Variants in CFAP20DC observed in about 807,000 individuals in gnomAD.
The protein encoded by CFAP20DC is CFAP20 domain containing.
CFAP20DC carries 84 observed loss-of-function variants against 101.7 expected under a neutral mutation model. The observed-to-expected ratio is 0.83, with a 90% confidence interval of 0.69 to 0.99. The LOEUF (loss-of-function observed/expected upper bound fraction) is 0.99. Ranked by LOEUF, CFAP20DC falls within the 50% of genes least tolerant of loss-of-function variation. CFAP20DC has a pLI of 0.00. For synonymous variants in CFAP20DC, 359 were observed against 351.2 expected, an observed-to-expected ratio of 1.02 and a Z score of -0.25; for missense variants, 1,007 against 970.3, an observed-to-expected ratio of 1.04 and a Z score of -0.50.
intron 15 of CFAP20DC, among the ~76,000 whole-genome samples, chr3:58,784,139 T>C (rs1017645876): frequency 2.6e-5 from 4 of 151,938 alleles, no homozygotes; most frequent in Non-Finnish European, 5.9e-5. Flanking sequence ...TCCATGGGTA[T>C]CCAGTGTTTA....
intron 3 of CFAP20DC, chr3:58,726,218 A>G (rs1185702354): frequency 2.0e-5 from 3 of 152,242 alleles, no homozygotes; most frequent in African/African-American, 7.2e-5. Context: ...CAGAGAAAGA[A>G]CTATATAGGG....
At chr3:58,950,995 T>C (rs561115486) in intron 4 of CFAP20DC, among the ~76,000 whole-genome samples, 1 of 152,120 alleles carries the variant, frequency 6.6e-6, no homozygotes, top group African/African-American at 2.4e-5. Context: ...GGGAGAAAAT[T>C]TTTGCAATCT....
chr3:58,828,854 A>T (rs2076213168), intron 14 of CFAP20DC, among the ~76,000 whole-genome samples: 1 of 152,120 alleles, frequency 6.6e-6, no homozygotes, highest in African/African-American at 2.4e-5. Context: ...GGGAAAAAAG[A>T]AAAAAGGAAA....
chr3:58,912,902 A>G lies in CFAP20DC; in HGVS notation c.550+806T>C. Among the ~76,000 whole-genome samples, 1 of 152,166 alleles carries G rather than the reference A, an allele frequency of 6.6e-6. No homozygotes were observed. The highest frequency in any genetic ancestry group is 1.9e-4 in the East Asian group (1 of 5,200). On this transcript the variant is annotated intron_variant, in intron 6 of 16. Transcript: ENST00000482387. The surrounding 1 kb of genome is among the most constrained non-coding windows in gnomAD (Gnocchi z 4.4). ...TGACTTCCTGAAATGTACACAGAGTAATAAGACAGCATAATGGACAGAGAT... is the reference window on the plus strand; with the variant it reads ...TGACTTCCTGAAATGTACACAGAGTGATAAGACAGCATAATGGACAGAGAT...
chr3:58,882,454 G>T lies in CFAP20DC; in HGVS notation c.715+2091C>A, dbSNP rs73838002. On this transcript the variant is annotated intron_variant, in intron 7 of 16. Coordinates refer to ENST00000482387, the MANE Select transcript of CFAP20DC (RefSeq NM_001394063.1). This position sits in a 1 kb window ranked among gnomAD's most constrained non-coding sequence, Gnocchi z 4.2. ...TTAATTCTTAAAACATTAAGCTAGA[G>T]AATAAAAGCATTTACAATGGCAAAC... Among the ~76,000 whole-genome samples, 3,035 of 152,100 alleles carry T rather than the reference G, an allele frequency of 0.02. 81 individuals carry two copies. The highest frequency in any genetic ancestry group is 0.068 in the African/African-American group (2,831 of 41,478).
intron 4 of CFAP20DC, among the ~76,000 whole-genome samples, chr3:59,034,865 C>T (rs575825224): frequency 5.9e-5 from 9 of 152,302 alleles, no homozygotes; most frequent in South Asian, 4.1e-4. Context: ...CTACAGAACT[C>T]GCCACCCCAA....
At position 58,971,864 on chromosome 3, in the gene CFAP20DC, TACACACACACAC is replaced by T. The variant is rs34030341; in HGVS notation, c.279-34114_279-34103del. Among the ~76,000 whole-genome samples the T allele has an allele frequency of 7.0e-6, 1 of 142,380 alleles. No homozygotes were observed. Among genetic ancestry groups the T allele is most frequent in the Non-Finnish European group, 1.6e-5 (1 of 64,158 alleles). The allele number at this position is 142,380 out of a possible 152,430, so 93.4% of individuals were successfully genotyped here. On this transcript the variant is annotated intron_variant, in intron 4 of 16. Coordinates refer to ENST00000482387, the MANE Select transcript of CFAP20DC (RefSeq NM_001394063.1). The surrounding 1 kb of genome is among the most constrained non-coding windows in gnomAD (Gnocchi z 4.1). ...CTGTAATATCATACACACGCACACATACACACACACACACACACACACACACACAATTAAGCT... is the reference window on the plus strand; with the variant it reads ...CTGTAATATCATACACACGCACACATACACACACACACACACAATTAAGCT...
intron 15 of CFAP20DC, among the ~76,000 whole-genome samples, chr3:58,789,739 G>C (rs549294366): frequency 6.6e-6 from 1 of 152,116 alleles, no homozygotes; most frequent in Non-Finnish European, 1.5e-5. Flanking sequence ...ATGGTAAAAT[G>C]CTATTTTAAA....
At chr3:58,823,039 C>T (rs965374660) in intron 14 of CFAP20DC, among the ~76,000 whole-genome samples, 1 of 152,082 alleles carries the variant, frequency 6.6e-6, no homozygotes, top group African/African-American at 2.4e-5. Context: ...CTCCTTTGCC[C>T]AATCATATTT....
chr3:58,949,905 T>C (rs2089892414), intron 4 of CFAP20DC, among the ~76,000 whole-genome samples: 2 of 152,330 alleles, frequency 1.3e-5, no homozygotes, highest in African/African-American at 4.8e-5. Context: ...AACATAGTGT[T>C]GGAAGTTCTG....
rs560435063 is a variant in CFAP20DC at position 58,893,415 on chromosome 3, T to A, written c.551-8706A>T. On this transcript the variant is annotated intron_variant, in intron 6 of 16. Coordinates refer to ENST00000482387, the MANE Select transcript of CFAP20DC (RefSeq NM_001394063.1). ...ATAATCATGTGGTTTTTGTCTTTGGTTCTGTGTATGTGATGAATGACATTT... is the reference window on the plus strand; with the variant it reads ...ATAATCATGTGGTTTTTGTCTTTGGATCTGTGTATGTGATGAATGACATTT... 8.5e-5 allele frequency among the ~76,000 whole-genome samples: 13 copies of A among 152,316 alleles called. No homozygotes were observed. In the South Asian group the frequency reaches 2.3e-3, roughly 27 times the overall value.
intron 3 of CFAP20DC, among the ~76,000 whole-genome samples, chr3:58,725,611 C>T (rs2067538253): frequency 6.6e-6 from 1 of 152,176 alleles, no homozygotes; most frequent in South Asian, 2.1e-4. Context: ...CGACAGTTCC[C>T]CAAAGCAGTG....
intron 13 of CFAP20DC, among the ~76,000 whole-genome samples, chr3:58,843,565 T>C (rs1377298542): frequency 1.3e-5 from 2 of 151,872 alleles, no homozygotes; most frequent in Non-Finnish European, 2.9e-5. Flanking sequence ...ATGGGGAGAA[T>C]GGAACCAAGT....
At chr3:58,757,119 T>C (rs2107303471) in intron 15 of CFAP20DC, among the ~76,000 whole-genome samples, 1 of 152,228 alleles carries the variant, frequency 6.6e-6, no homozygotes, top group Admixed American at 6.6e-5. Context: ...TGTATACTTG[T>C]CTTTGTTAGA....
intron 3 of CFAP20DC, among the ~76,000 whole-genome samples, chr3:59,039,991 C>A (rs2094169453): frequency 6.6e-6 from 1 of 151,764 alleles, no homozygotes; most frequent in Non-Finnish European, 1.5e-5. Flanking sequence ...TCAAGGCAGC[C>A]ATAAAAGCAT....
rs971893507 is a variant in CFAP20DC at position 58,869,427 on chromosome 3, C to T, written c.916G>A (p.Val306Ile). The change falls in exon 9 of 17, where the codon GTT becomes ATT. Residue 306 changes from valine (V) to isoleucine (I), a missense_variant. Physicochemically the swap from Val to Ile is conservative, Grantham distance 29. Transcript: ENST00000482387. This position sits in a 1 kb window ranked among gnomAD's most constrained non-coding sequence, Gnocchi z 4.3. ...SCQPSTVEKC[V>I]NGTEMSALLI... Reference sequence around the variant, plus strand: ...AAGGCTGACATTTCTGTACCATTAACACACTTCTCTACAGTGGACGGCTGG... The same window carrying T: ...AAGGCTGACATTTCTGTACCATTAATACACTTCTCTACAGTGGACGGCTGG... 6.2e-7 allele frequency: 1 copy of T among 1,613,914 alleles called. No individual in the cohort carries two copies. Among genetic ancestry groups the T allele is most frequent in the Non-Finnish European group, 8.5e-7 (1 of 1,179,864 alleles).
Position 58,856,265 on chromosome 3 carries a change from GACACACACACACACACAC to G in CFAP20DC, c.1594-6874_1594-6857del, listed in dbSNP as rs536277954. Among the ~76,000 whole-genome samples, 217 of 124,134 alleles carry G rather than the reference GACACACACACACACACAC, an allele frequency of 1.7e-3. 2 individuals are homozygous for G. The highest frequency in any genetic ancestry group is 6.4e-3 in the African/African-American group (213 of 33,476). 81.4% of individuals were successfully genotyped at this position (124,134 alleles called of 152,430 possible). On this transcript the variant is annotated intron_variant, in intron 12 of 16. Coordinates refer to ENST00000482387, the MANE Select transcript of CFAP20DC (RefSeq NM_001394063.1). ...TTTGTCTACACTAGCTTCATCTTCTGACACACACACACACACACACACACACACACACACACACACACA... is the reference window on the plus strand; with the variant it reads ...TTTGTCTACACTAGCTTCATCTTCTGACACACACACACACACACACACACA...
chr3:59,047,094 C>T lies in CFAP20DC; in HGVS notation c.111+71G>A, dbSNP rs769028257. ...GAAAAACAGCTCTGAAATTTGATCA[C>T]GCCCTTTCTTCTATAAGCTTCACTC... On this transcript the variant is annotated intron_variant, in intron 2 of 16. Coordinates refer to ENST00000482387, the MANE Select transcript of CFAP20DC (RefSeq NM_001394063.1). 38 of 989,668 alleles carry T rather than the reference C, an allele frequency of 3.8e-5. No homozygotes were observed. The Admixed American group carries it at 7.5e-4, about 20-fold the overall frequency. 61.3% of individuals were successfully genotyped at this position (989,668 alleles called of 1,614,324 possible). A position where few individuals can be genotyped will look rare whatever the true frequency, so the allele number is the denominator to read the frequency against.
chr3:59,037,086 T>C (rs1219843518), intron 4 of CFAP20DC, among the ~76,000 whole-genome samples: 1 of 152,042 alleles, frequency 6.6e-6, no homozygotes, highest in Non-Finnish European at 1.5e-5. Context: ...AAATGCAGAA[T>C]ACTGAAACTG....
Sources: gnomAD v4.1 joint callset for allele counts (sites outside exome capture counted in the v4.1 genomes callset) on GRCh38, gnomAD v4.1.1 for gene constraint, Gnocchi (gnomAD v3.1) non-coding constraint, MANE v1.5 for transcripts, NCBI Gene and HGNC (gene_info 2026-07-23, HGNC 2026-07-21) for gene names.